Variants in DMTF1 observed in about 807,000 individuals in gnomAD.
DMTF1 encodes cyclin D binding myb like transcription factor 1, also known as cyclin-D-binding Myb-like transcription factor 1.
In DMTF1, 39 loss-of-function variants were observed where a neutral mutation model predicts 91.1. That is an observed-to-expected ratio of 0.43 (90% CI 0.33 to 0.56). The LOEUF (loss-of-function observed/expected upper bound fraction) is 0.56. DMTF1 is among the 20% of genes least tolerant of loss of function. The pLI is 0.05. For synonymous variants in DMTF1, 338 were observed against 309.5 expected (o/e 1.09, Z -0.97); for missense variants, 750 against 914.5 (o/e 0.82, Z 2.32).
intron 1 of DMTF1, among the ~76,000 whole-genome samples, chr7:87,153,721 G>C (rs567614588): frequency 4.6e-4 from 70 of 152,252 alleles, no homozygotes; most frequent in African/African-American, 1.6e-3. Flanking sequence ...ATATTCTGTG[G>C]AATTATTTTT....
chr7:87,186,957 G>A (rs1415854469), intron 12 of DMTF1: 1 of 152,100 alleles, frequency 6.6e-6, no homozygotes, highest in African/African-American at 2.4e-5. Flanking sequence ...ATCTTAGCTA[G>A]GTGTGTTAGA....
intron 3 of DMTF1, among the ~76,000 whole-genome samples, chr7:87,165,959 C>T (rs1793729044): frequency 6.6e-6 from 1 of 152,086 alleles, no homozygotes; most frequent in Admixed American, 6.6e-5. Flanking sequence ...AACCAGTGTC[C>T]TACCTATCAT....
rs1445804046 is a variant in DMTF1 at position 87,184,430 on chromosome 7, C to G, written c.854C>G (p.Ala285Gly). The G allele has an allele frequency of 1.9e-6, 3 of 1,613,870 alleles. No individual in the cohort carries two copies. The highest frequency in any genetic ancestry group is 1.7e-5 in the Admixed American group (1 of 59,978). ...ACAGAAGAAGAAGAAAAGAGACTTG[C>G]AGAAGTGGTTCATGAGTTGACAAGC... is the stretch of plus-strand genomic sequence containing the variant. ...KWTEEEEKRL[A>G]EVVHELTSTE... is the part of the protein sequence containing the mutation. The change falls in exon 11 of 18, where the codon GCA becomes GGA. Residue 285 changes from alanine (A) to glycine (G), a missense_variant. By Grantham distance (60) the Ala-to-Gly change is moderately conservative. Coordinates refer to ENST00000331242, the MANE Select transcript of DMTF1 (RefSeq NM_001142327.2).
intron 1 of DMTF1, chr7:87,162,773 T>C (rs1792801086): frequency 6.6e-6 from 1 of 151,404 alleles, no homozygotes; most frequent in Non-Finnish European, 1.5e-5. Context: ...TTTTAATCCC[T>C]AATTTTTGCT....
chr7:87,168,298 A>G (rs1278685790), intron 4 of DMTF1, among the ~76,000 whole-genome samples: 3 of 152,214 alleles, frequency 2.0e-5, no homozygotes, highest in African/African-American at 7.2e-5. Context: ...TACAGTATTC[A>G]TCTAGATGAT....
At chr7:87,187,651 T>C (rs1468572665) in intron 12 of DMTF1, 1 of 172,792 alleles carries the variant, frequency 5.8e-6, no homozygotes, top group African/African-American at 2.4e-5. Context: ...TATTACTGTT[T>C]GGAAAAGAGA....
intron 1 of DMTF1, among the ~76,000 whole-genome samples, chr7:87,161,057 ATAT>A (rs1792229391): frequency 6.6e-6 from 1 of 152,050 alleles, no homozygotes; most frequent in Non-Finnish European, 1.5e-5. Flanking sequence ...ATTAATACTA[ATAT>A]TAATAAAAAT....
intron 1 of DMTF1, among the ~76,000 whole-genome samples, chr7:87,155,994 C>T (rs959921356): frequency 1.3e-5 from 2 of 152,018 alleles, no homozygotes; most frequent in Non-Finnish European, 2.9e-5. Flanking sequence ...ATTTTAGTGC[C>T]GGTGTATATT....
In DMTF1 at chr7:87,173,522, T is replaced by A; in HGVS notation, c.328-13T>A. The A allele has an allele frequency of 6.4e-7, 1 of 1,574,404 alleles. No homozygotes were observed. Among genetic ancestry groups the A allele is most frequent in the Non-Finnish European group, 8.7e-7 (1 of 1,151,256 alleles). On this transcript the variant is annotated splice_polypyrimidine_tract_variant and intron_variant, in intron 5 of 17. Coordinates refer to ENST00000331242, the MANE Select transcript of DMTF1 (RefSeq NM_001142327.2). The stretch of plus-strand genomic sequence containing the variant: ...TGTTTTGTTTTGTTTTGTTTTACTT[T>A]TACCTTTTCAAGATTTTGCAGAATG...
chr7:87,195,167 A>G lies in DMTF1; in HGVS notation c.*27A>G. Reference sequence around the variant, plus strand: ...ATAATTCTTAGAAATAGGCAGTTCAAGCAAAGAAGGCACACTGTTAATTAC... The same window carrying G: ...ATAATTCTTAGAAATAGGCAGTTCAGGCAAAGAAGGCACACTGTTAATTAC... On this transcript the variant is annotated 3_prime_UTR_variant, in exon 18 of 18. Coordinates refer to ENST00000331242, the MANE Select transcript of DMTF1 (RefSeq NM_001142327.2). The G allele has an allele frequency of 6.7e-7, 1 of 1,501,304 alleles. No homozygotes were observed. The highest frequency in any genetic ancestry group is 9.3e-7 in the Non-Finnish European group (1 of 1,080,032). 93.0% of individuals were successfully genotyped at this position (1,501,304 alleles called of 1,614,324 possible).
At chr7:87,188,058 T>C in intron 12 of DMTF1, 34 bp from the exon 13 acceptor site, 1 of 1,573,590 alleles carries the variant, frequency 6.4e-7, no homozygotes, top group Non-Finnish European at 8.7e-7. Context: ...TGTCGGAGAA[T>C]CAATGTTCTT....
chr7:87,166,573 C>A lies in DMTF1; in HGVS notation c.200C>A (p.Ser67Tyr). 6.2e-7 allele frequency: 1 copy of A among 1,613,200 alleles called. No homozygotes were observed. Residue 67 changes from serine (S) to tyrosine (Y), a missense_variant, in exon 4 of 18, where the codon TCT (serine) becomes TAT (tyrosine). Ser to Tyr is a moderately radical substitution (Grantham distance 144, BLOSUM62 -2). Coordinates refer to ENST00000331242, the MANE Select transcript of DMTF1 (RefSeq NM_001142327.2). ...GAGGATGATCAGAGTATTGATGATT[C>A]TACTCCTTGCATATCAGTTGTTGCA... ...SSEDDQSIDD[S>Y]TPCISVVALP...
At chr7:87,161,671 C>T (rs903096106) in intron 1 of DMTF1, among the ~76,000 whole-genome samples, 2 of 152,166 alleles carry the variant, frequency 1.3e-5, no homozygotes, top group African/African-American at 4.8e-5. Context: ...AGTTGCAGAA[C>T]TTTAAAAAAG....
chr7:87,181,966 T>C, intron 9 of DMTF1: 2 of 1,399,418 alleles, frequency 1.4e-6, no homozygotes, highest in Non-Finnish European at 1.9e-6. Flanking sequence ...TGAGGGGAAA[T>C]TGGTCTTTTT....
At chr7:87,175,687 A>G (rs1796120657) in intron 7 of DMTF1, among the ~76,000 whole-genome samples, 1 of 152,218 alleles carries the variant, frequency 6.6e-6, no homozygotes, top group Non-Finnish European at 1.5e-5. Flanking sequence ...CTTAAAGGAT[A>G]GAACTTGGGC....
Position 87,196,221 on chromosome 7 carries a change from G to A in DMTF1, c.*1081G>A, listed in dbSNP as rs1038315794. The A allele has an allele frequency of 1.9e-5, 3 of 155,452 alleles. No homozygotes were observed. The highest frequency in any genetic ancestry group is 7.2e-5 in the African/African-American group (3 of 41,424). 9.6% of individuals were successfully genotyped at this position (155,452 alleles called of 1,614,324 possible). ...ATCTTCACAAAGTTGTCTTTTCACT[G>A]TGTTTTGTCAACGTGAAATTAAATT... On this transcript the variant is annotated 3_prime_UTR_variant, in exon 18 of 18. Transcript: ENST00000331242.
intron 8 of DMTF1, among the ~76,000 whole-genome samples, chr7:87,180,856 C>CTTTTTTTTTTTTT (rs397889347): frequency 7.8e-6 from 1 of 127,698 alleles, no homozygotes. Context: ...TTATTTTCAA[C>CTTTTTTTTTTTTT]TTTTTTTTTT....
At position 87,193,921 on chromosome 7, in the gene DMTF1, T is replaced by G. The variant is rs1429090549; in HGVS notation, c.1847T>G (p.Ile616Ser). 2 of 1,613,354 alleles carry G rather than the reference T, an allele frequency of 1.2e-6. No individual in the cohort carries two copies. Among genetic ancestry groups the G allele is most frequent in the Non-Finnish European group, 8.5e-7 (1 of 1,179,620 alleles). ...GAAGCAGACACTTTCCCAGATGAAATTCATCACCCTAAGATGACTGTGGAG... is the reference window on the plus strand; with the variant it reads ...GAAGCAGACACTTTCCCAGATGAAAGTCATCACCCTAAGATGACTGTGGAG... Reference protein sequence around the residue: ...ALEADTFPDEIHHPKMTVEPS... With the variant: ...ALEADTFPDESHHPKMTVEPS... Residue 616 changes from isoleucine to serine, a missense_variant, in exon 16 of 18, where the codon ATT becomes AGT. By Grantham distance (142) the Ile-to-Ser change is moderately radical (BLOSUM62 -2). Around this residue, in one of 3 missense-constraint regions of DMTF1, gnomAD observed 410 missense variants for 420.2 expected, o/e 0.98. Coordinates refer to ENST00000331242, the MANE Select transcript of DMTF1 (RefSeq NM_001142327.2).
Position 87,193,879 on chromosome 7 carries a change from A to G in DMTF1, c.1805A>G (p.Glu602Gly). The change falls in exon 16 of 18, where the codon GAG (glutamate) becomes GGG (glycine). Residue 602 changes from glutamate to glycine, a missense_variant. By Grantham distance (98) the Glu-to-Gly change is moderately conservative. Around this residue, in one of 3 missense-constraint regions of DMTF1, gnomAD observed 410 missense variants for 420.2 expected, o/e 0.98. Transcript: ENST00000331242. ...DSDIQSSDFP[E>G]PPDALEADTF... ...GATATTCAGTCATCTGATTTTCCTGAGCCTCCAGACGCCCTAGAAGCAGAC... is the reference window on the plus strand; with the variant it reads ...GATATTCAGTCATCTGATTTTCCTGGGCCTCCAGACGCCCTAGAAGCAGAC... The G allele has an allele frequency of 6.2e-7, 1 of 1,613,438 alleles. No homozygotes were observed. The highest frequency in any genetic ancestry group is 8.5e-7 in the Non-Finnish European group (1 of 1,179,626).
Sources: gnomAD v4.1 joint callset for allele counts (sites outside exome capture counted in the v4.1 genomes callset) on GRCh38, gnomAD v4.1.1 for gene constraint, gnomAD v4.1.1 regional missense constraint, MANE v1.5 for transcripts, NCBI Gene and HGNC (gene_info 2026-07-23, HGNC 2026-07-21) for gene names.